The following CDH13 variants were observed in gnomAD, a reference collection of about 807,000 sequenced individuals.
CDH13 encodes cadherin 13, also known as cadherin-13.
A neutral mutation model predicts 63.8 loss-of-function variants in CDH13; 24 were observed. The ratio of observed to expected loss-of-function variants is 0.38; its 90% CI spans 0.27 to 0.53. The LOEUF is 0.53. CDH13 is among the 20% of genes least tolerant of loss of function. The probability of loss-of-function intolerance (pLI) is 0.85; values close to 1 mark genes in which losing one functional copy is unlikely to be tolerated. For missense variants in CDH13, 1,049 were observed against 903.1 expected (o/e 1.16, Z -2.07); for synonymous variants, 503 against 355.3 (o/e 1.42, Z -4.67).
At chr16:83,066,675 A>G (rs900794889) in intron 3 of CDH13, among the ~76,000 whole-genome samples, 4 of 152,260 alleles carry the variant, frequency 2.6e-5, no homozygotes, top group African/African-American at 2.4e-5. Context: ...TATCACATGC[A>G]TTGAAATACA....
At chr16:83,661,743 G>A (rs1020705733) in intron 8 of CDH13, among the ~76,000 whole-genome samples, 4 of 152,180 alleles carry the variant, frequency 2.6e-5, no homozygotes, top group Admixed American at 2.0e-4. Context: ...TGCCAGGTGG[G>A]CATCTTCCTC....
intron 2 of CDH13, among the ~76,000 whole-genome samples, chr16:82,943,697 T>C (rs12445372): frequency 3.3e-5 from 5 of 152,208 alleles, no homozygotes; most frequent in African/African-American, 1.2e-4. Flanking sequence ...CAAAGAAATA[T>C]AACCTGGCCT....
intron 6 of CDH13, among the ~76,000 whole-genome samples, chr16:83,468,603 T>A (rs902019): frequency 0.96 from 146,776 of 152,274 alleles, 70,965 homozygotes; most frequent in East Asian, 1. Flanking sequence ...GCCACACTTG[T>A]GTGAGGCGTA....
intron 7 of CDH13, among the ~76,000 whole-genome samples, chr16:83,581,925 A>C (rs1286281280): frequency 6.6e-6 from 1 of 152,162 alleles, no homozygotes; most frequent in Non-Finnish European, 1.5e-5. Context: ...GATCTTCTTT[A>C]CAATCATTCT....
intron 4 of CDH13, among the ~76,000 whole-genome samples, chr16:83,188,629 C>T (rs775118393): frequency 1.5e-4 from 23 of 152,222 alleles, no homozygotes; most frequent in Admixed American, 2.0e-4. Context: ...AGGCTGCCTC[C>T]CCTCCAAAGT....
intron 1 of CDH13, among the ~76,000 whole-genome samples, chr16:82,697,765 G>GTGTGTA (rs1567638753): frequency 6.6e-6 from 1 of 151,130 alleles, no homozygotes; most frequent in African/African-American, 2.4e-5. Context: ...GTGTGTGTGT[G>GTGTGTA]TGTGTGTGTG....
At chr16:83,230,001 G>A (rs2039957356) in intron 5 of CDH13, among the ~76,000 whole-genome samples, 1 of 152,162 alleles carries the variant, frequency 6.6e-6, no homozygotes, top group Non-Finnish European at 1.5e-5. Flanking sequence ...AGAGCCCTGT[G>A]CTCTTTTGAA....
chr16:83,536,527 G>A (rs1341299928), intron 7 of CDH13, among the ~76,000 whole-genome samples: 3 of 152,070 alleles, frequency 2.0e-5, no homozygotes, highest in Non-Finnish European at 1.5e-5. Context: ...GATAAGGCTG[G>A]AGAGGCCACC....
At chr16:83,222,396 A>G (rs944170917) in intron 5 of CDH13, among the ~76,000 whole-genome samples, 1 of 152,228 alleles carries the variant, frequency 6.6e-6, no homozygotes, top group Admixed American at 6.5e-5. Context: ...GGCAGAATAC[A>G]CATTAAAGTG....
intron 1 of CDH13, among the ~76,000 whole-genome samples, chr16:82,697,980 A>AT (rs920519896): frequency 1.3e-5 from 2 of 152,128 alleles, no homozygotes; most frequent in African/African-American, 4.8e-5. Flanking sequence ...CTCCTTGAGG[A>AT]TATGGCTGCA....
At chr16:83,081,941 C>T (rs1019937533) in intron 3 of CDH13, among the ~76,000 whole-genome samples, 2 of 152,094 alleles carry the variant, frequency 1.3e-5, no homozygotes, top group African/African-American at 4.8e-5. Flanking sequence ...GCTGGGATTA[C>T]AGGCATGCGC....
chr16:83,149,182 C>G (rs2036871439), intron 4 of CDH13, among the ~76,000 whole-genome samples: 1 of 152,190 alleles, frequency 6.6e-6, no homozygotes, highest in Non-Finnish European at 1.5e-5. Flanking sequence ...TATTCAGCAA[C>G]TAATTTCCTG....
intron 5 of CDH13, among the ~76,000 whole-genome samples, chr16:83,231,734 A>G (rs559285724): frequency 6.6e-6 from 1 of 152,258 alleles, no homozygotes; most frequent in Non-Finnish European, 1.5e-5. Flanking sequence ...CTCTACAGAA[A>G]AAGCCTGCCA....
At chr16:83,134,363 T>TATTTTTA (rs1191656151) in intron 4 of CDH13, among the ~76,000 whole-genome samples, 1 of 152,114 alleles carries the variant, frequency 6.6e-6, no homozygotes, top group Admixed American at 6.6e-5. Flanking sequence ...TTAATTTTTG[T>TATTTTTA]ATTTTTAGGA....
At chr16:82,953,615 A>T (rs559174192) in intron 2 of CDH13, 6 of 152,364 alleles carry the variant, frequency 3.9e-5, no homozygotes, top group African/African-American at 9.6e-5. Context: ...GATTAATAAA[A>T]CATGGGTGAG....
chr16:83,484,824 G>A (rs1339485024), intron 6 of CDH13, among the ~76,000 whole-genome samples: 1 of 152,172 alleles, frequency 6.6e-6, no homozygotes, highest in East Asian at 1.9e-4. Flanking sequence ...TCCCCCTGTG[G>A]GTAAGGAAAG....
intron 5 of CDH13, among the ~76,000 whole-genome samples, chr16:83,316,398 C>A (rs1353723295): frequency 6.6e-6 from 1 of 152,150 alleles, no homozygotes; most frequent in Non-Finnish European, 1.5e-5. Flanking sequence ...TGTCACGAGC[C>A]TGGATTTCCA....
In CDH13 at chr16:83,797,953, T is replaced by G. The variant is rs1904290713; in HGVS notation, c.*2923T>G. On this transcript the variant is annotated 3_prime_UTR_variant, in exon 14 of 14. Transcript: ENST00000567109. Reference sequence around the variant, plus strand: ...AAAAGTCACCTTCAATACCGCCAGTTCTCTCCAAATGAGCATCATTCCAGG... The same window carrying G: ...AAAAGTCACCTTCAATACCGCCAGTGCTCTCCAAATGAGCATCATTCCAGG... 1 of 152,208 alleles carries G rather than the reference T, an allele frequency of 6.6e-6. No individual in the cohort carries two copies. Among genetic ancestry groups the G allele is most frequent in the South Asian group, 2.1e-4 (1 of 4,836 alleles). 9.4% of individuals were successfully genotyped at this position (152,208 alleles called of 1,614,324 possible). A position where few individuals can be genotyped will look rare whatever the true frequency, so the allele number is the denominator to read the frequency against.
At chr16:83,130,779 A>G (rs563829333) in intron 4 of CDH13, among the ~76,000 whole-genome samples, 1 of 152,338 alleles carries the variant, frequency 6.6e-6, no homozygotes, top group Admixed American at 6.5e-5. Flanking sequence ...GGGTGAATGG[A>G]GACAAAGTAC....
Sources: allele counts gnomAD v4.1 joint callset (sites outside exome capture counted in the v4.1 genomes callset), GRCh38; gene constraint gnomAD v4.1.1; transcripts MANE v1.5; gene names NCBI Gene and HGNC (gene_info 2026-07-23, HGNC 2026-07-21).